Variants in ANAPC11 observed in about 807,000 individuals in gnomAD.
ANAPC11 encodes the protein anaphase-promoting complex subunit 11.
Under a neutral mutation model 11.8 loss-of-function variants are expected in ANAPC11, and 5 were observed. The observed-to-expected ratio is 0.42, with a 90% confidence interval of 0.22 to 0.89. The LOEUF is 0.89. Ranked by LOEUF, ANAPC11 falls within the 40% of genes least tolerant of loss-of-function variation. ANAPC11 has a pLI of 0.28. For missense variants in ANAPC11, 68 were observed against 112.9 expected (o/e 0.60, Z 1.80); for synonymous variants, 45 against 41.0 (o/e 1.10, Z -0.38).
intron 1 of ANAPC11, among the ~76,000 whole-genome samples, chr17:81,892,504 A>C (rs2039575684): frequency 6.7e-6 from 1 of 148,784 alleles, no homozygotes; most frequent in Non-Finnish European, 1.5e-5. Flanking sequence ...ATTAATGAAA[A>C]CCAGTGTGCC....
intron 3 of ANAPC11, among the ~76,000 whole-genome samples, chr17:81,897,092 C>A (rs992570892): frequency 1.3e-5 from 2 of 152,210 alleles, no homozygotes; most frequent in African/African-American, 2.4e-5. Context: ...CTTCCGCCTC[C>A]CTAGTTCAAG....
At chr17:81,899,121 G>A (rs2039844189) in intron 3 of ANAPC11, 2 of 1,097,440 alleles carry the variant, frequency 1.8e-6, no homozygotes, top group South Asian at 3.2e-5. Context: ...GTGGGGCTGG[G>A]GCTGGGACTT....
chr17:81,892,524 A>AT (rs201667030), intron 1 of ANAPC11, among the ~76,000 whole-genome samples: 1,561 of 128,492 alleles, frequency 0.012, 33 homozygotes, highest in South Asian at 0.018. Context: ...CATTTCATTG[A>AT]TTTTTTTTTT....
intron 3 of ANAPC11, 132 bp downstream of exon 3, chr17:81,894,718 T>A: frequency 2.9e-6 from 1 of 349,422 alleles, no homozygotes; most frequent in Non-Finnish European, 5.0e-6. Context: ...TCATTTTCTT[T>A]TTTTTTTTTT....
At chr17:81,896,802 T>C (rs2039760921) in intron 3 of ANAPC11, among the ~76,000 whole-genome samples, 5 of 17,464 alleles carry the variant, frequency 2.9e-4, no homozygotes, top group South Asian at 1.7e-3. Context: ...CCTTTGCTTT[T>C]TTTTTTTTTT....
chr17:81,898,165 G>T (rs562499917), intron 3 of ANAPC11: 1 of 152,398 alleles, frequency 6.6e-6, no homozygotes, highest in East Asian at 1.9e-4. Context: ...TGCGTGGGAT[G>T]CCCTGAGGGC....
At chr17:81,899,457 T>TG (rs1254572855) in intron 3 of ANAPC11, 1 of 1,613,884 alleles carries the variant, frequency 6.2e-7, no homozygotes, top group Non-Finnish European at 8.5e-7. Context: ...ACTACTCAGA[T>TG]GCACGTCTCC....
At chr17:81,899,794 G>T in intron 3 of ANAPC11, 126 bp from the exon 4 acceptor site, 1 of 1,085,478 alleles carries the variant, frequency 9.2e-7, no homozygotes. Flanking sequence ...CGGCTTCTCT[G>T]AAACATGAGA....
intron 3 of ANAPC11, chr17:81,898,908 T>G: frequency 2.7e-6 from 1 of 367,020 alleles, no homozygotes; most frequent in Non-Finnish European, 5.0e-6. Flanking sequence ...GTACTCAGAG[T>G]GGCCCAGACC....
chr17:81,891,747 G>C lies in ANAPC11; in HGVS notation c.-169G>C, dbSNP rs1487649507. ...CGTGCGCACTGGCGTGCGAGACTCG[G>C]CGGGCGCTGTTGAGGGAGTCGGGCC... On this transcript the variant is annotated 5_prime_UTR_variant, in exon 1 of 4. Transcript: ENST00000344877. 2.0e-6 allele frequency: 1 copy of C among 498,058 alleles called. No individual in the cohort carries two copies. Among genetic ancestry groups the C allele is most frequent in the Non-Finnish European group, 2.9e-6 (1 of 340,400 alleles). The allele number at this position is 498,058 out of a possible 1,614,324, so 30.9% of individuals were successfully genotyped here.
At chr17:81,894,301 G>A (rs562037050) in intron 2 of ANAPC11, 166 bp from the exon 3 acceptor site, 4 of 403,734 alleles carry the variant, frequency 9.9e-6, no homozygotes, top group Admixed American at 8.7e-5. Context: ...CAGGGCTCAC[G>A]ATGTTTCCCA....
chr17:81,891,589 G>A (rs556107665), upstream of ANAPC11: 2 of 1,419,444 alleles, frequency 1.4e-6, no homozygotes, highest in Non-Finnish European at 1.8e-6. Context: ...ATCGGCTCGA[G>A]CCCGCGCGTC....
At chr17:81,893,247 C>G (rs1040869741) in intron 1 of ANAPC11, 5 of 152,182 alleles carry the variant, frequency 3.3e-5, no homozygotes, top group African/African-American at 1.2e-4. Flanking sequence ...TGCCCACCAC[C>G]ACACCCGGCT....
At chr17:81,891,610 C>T (rs759148441), upstream of ANAPC11, 22 of 1,370,198 alleles carry the variant, frequency 1.6e-5, no homozygotes, top group East Asian at 1.5e-4. Flanking sequence ...AGCACGCCGG[C>T]ACGTCACTTC....
chr17:81,895,045 CTTTTCT>C (rs2039688820), intron 3 of ANAPC11, among the ~76,000 whole-genome samples: 1 of 127,640 alleles, frequency 7.8e-6, no homozygotes, highest in Non-Finnish European at 1.6e-5. Flanking sequence ...TTCTTTCTTT[CTTTTCT>C]TTTTTTTTTT....
rs185033956 is a variant in ANAPC11 at position 81,900,222 on chromosome 17, A to G, written c.*157A>G. On this transcript the variant is annotated 3_prime_UTR_variant, in exon 4 of 4. Coordinates refer to ENST00000344877, the MANE Select transcript of ANAPC11 (RefSeq NM_001002248.3). ...ATCACTATGTTGACACTTTTATCCA[A>G]TAAGTGAAAACTCATTAAACTACTC... 1.1e-3 allele frequency: 1,342 copies of G among 1,218,792 alleles called. 1 individual carries two copies. Among genetic ancestry groups the G allele is most frequent in the Non-Finnish European group, 1.3e-3 (1,132 of 882,192 alleles). 75.5% of individuals were successfully genotyped at this position (1,218,792 alleles called of 1,614,324 possible). A position where few individuals can be genotyped will look rare whatever the true frequency, so the allele number is the denominator to read the frequency against.
chr17:81,899,539 G>A (rs1345135395), intron 3 of ANAPC11: 19 of 1,612,510 alleles, frequency 1.2e-5, no homozygotes, highest in East Asian at 4.5e-5. Flanking sequence ...CCCAGGGCCT[G>A]TAGGTCAGAC....
intron 1 of ANAPC11, among the ~76,000 whole-genome samples, chr17:81,892,685 G>A (rs1437753328): frequency 6.6e-6 from 1 of 151,274 alleles, no homozygotes; most frequent in Non-Finnish European, 1.5e-5. Flanking sequence ...ACCATACCTG[G>A]CTAATGTTTG....
At chr17:81,899,524 A>G (rs757095904) in intron 3 of ANAPC11, 4 of 1,613,822 alleles carry the variant, frequency 2.5e-6, no homozygotes, top group African/African-American at 2.7e-5. Flanking sequence ...GTGTCTGCAG[A>G]TGGGCCCAGG....
Sources: allele counts gnomAD v4.1 joint callset (sites outside exome capture counted in the v4.1 genomes callset), GRCh38; gene constraint gnomAD v4.1.1; transcripts MANE v1.5; gene names NCBI Gene and HGNC (gene_info 2026-07-23, HGNC 2026-07-21).